The following GNL1 variants were observed in gnomAD, a reference collection of about 807,000 sequenced individuals.
GNL1 encodes G protein nucleolar 1.
A neutral mutation model predicts 75.2 loss-of-function variants in GNL1; 21 were observed. The ratio of observed to expected loss-of-function variants is 0.28; its 90% CI spans 0.20 to 0.40. The LOEUF is 0.40. Among genes scored for constraint, GNL1 ranks in the 10% least tolerant of loss-of-function variants. The probability of loss-of-function intolerance (pLI) is 1.00; values close to 1 mark genes in which losing one functional copy is unlikely to be tolerated. For synonymous variants in GNL1, 287 were observed against 303.4 expected (o/e 0.95, Z 0.56); for missense variants, 579 against 775.0 (o/e 0.75, Z 3.00).
At chr6:30,554,940 G>C (rs1156290877) in intron 3 of GNL1, 25 bp from the exon 4 acceptor site, 1 of 1,612,258 alleles carries the variant, frequency 6.2e-7, no homozygotes, top group East Asian at 2.2e-5. Context: ...AAAAGTCCAA[G>C]TGTGAGGAAA....
At chr6:30,554,148 C>A (rs1055985756) in intron 5 of GNL1, among the ~76,000 whole-genome samples, 1 of 152,228 alleles carries the variant, frequency 6.6e-6, no homozygotes, top group Non-Finnish European at 1.5e-5. Flanking sequence ...TCACACAGGG[C>A]AGTCCAGCAG....
rs1050107108 is a variant in GNL1, at chr6:30,547,807, A to G, written c.1100-277T>C. 6.7e-5 allele frequency: 34 copies of G among 506,318 alleles called. No homozygotes were observed. In the African/African-American group the frequency reaches 6.8e-4, roughly 10 times the overall value. 31.4% of individuals were successfully genotyped at this position (506,318 alleles called of 1,614,324 possible). A position where few individuals can be genotyped will look rare whatever the true frequency, so the allele number is the denominator to read the frequency against. On this transcript the variant is annotated intron_variant, in intron 8 of 11. Transcript: ENST00000376621. The surrounding 1 kb of genome is among the most constrained non-coding windows in gnomAD (Gnocchi z 5.5). ...GTGGTCAGGATTAAATGAGATAACC[A>G]ATACAACTTGTGTGGGTCAGTGCCT...
Position 30,541,580 on chromosome 6 carries a change from A to G in GNL1, c.*4492T>C, listed in dbSNP as rs946597580. The G allele has an allele frequency of 6.6e-6, 1 of 152,244 alleles. No individual in the cohort carries two copies. The highest frequency in any genetic ancestry group is 1.5e-5 in the Non-Finnish European group (1 of 68,042). The allele number at this position is 152,244 out of a possible 1,614,324, so 9.4% of individuals were successfully genotyped here. ...AAACAGGCAATTTCAGAGTGCTTCA[A>G]GATGAAGGCGCAAAGCAGCCTCTCA... is the stretch of plus-strand genomic sequence containing the variant. On this transcript the variant is annotated 3_prime_UTR_variant, in exon 12 of 12. Coordinates refer to ENST00000376621, the MANE Select transcript of GNL1 (RefSeq NM_005275.5).
rs1023685736 is a variant in GNL1 at position 30,542,370 on chromosome 6, C to T, written c.*3702G>A. ...TGTCTCACTGGCTCCTTTCCCTGCT[C>T]TCCTTTTTATATGTTTCCTGCTTTC... On this transcript the variant is annotated 3_prime_UTR_variant, in exon 12 of 12. Coordinates refer to ENST00000376621, the MANE Select transcript of GNL1 (RefSeq NM_005275.5). This position sits in a 1 kb window ranked among gnomAD's most constrained non-coding sequence, Gnocchi z 4.5. 3.3e-5 allele frequency: 5 copies of T among 152,614 alleles called. No individual in the cohort carries two copies. Among genetic ancestry groups the T allele is most frequent in the African/African-American group, 9.7e-5 (4 of 41,444 alleles). 9.5% of individuals were successfully genotyped at this position (152,614 alleles called of 1,614,324 possible).
chr6:30,553,408 G>C lies in GNL1; in HGVS notation c.750C>G (p.His250Gln), dbSNP rs150038929. 6.2e-7 allele frequency: 1 copy of C among 1,612,894 alleles called. No individual in the cohort carries two copies. Residue 250 changes from histidine to glutamine, a missense_variant, in exon 6 of 12, where the codon CAC becomes CAG. Physicochemically the swap from His to Gln is conservative, Grantham distance 24. Coordinates refer to ENST00000376621, the MANE Select transcript of GNL1 (RefSeq NM_005275.5). ...GAGGAAAAGAGGTGAAAAGGACGAC[G>C]TGGAGCTGGGGATAGTGTTGATGGA... Reference protein sequence around the residue: ...HYFHQHYPQLHVVLFTSFPRD... With the variant: ...HYFHQHYPQLQVVLFTSFPRD...
Position 30,547,308 on chromosome 6 carries a change from T to C in GNL1, c.1279-34A>G. On this transcript the variant is annotated intron_variant, in intron 9 of 11. Coordinates refer to ENST00000376621, the MANE Select transcript of GNL1 (RefSeq NM_005275.5). The surrounding 1 kb of genome is among the most constrained non-coding windows in gnomAD (Gnocchi z 5.5). ...AATGAGCACTCAGTACTTTCCTCAA[T>C]GTCCCACCTTCTCTCTTTCCCTTAC... The C allele has an allele frequency of 6.3e-7, 1 of 1,580,938 alleles. No homozygotes were observed. Among genetic ancestry groups the C allele is most frequent in the Non-Finnish European group, 8.6e-7 (1 of 1,163,096 alleles).
Position 30,545,853 on chromosome 6 carries a change from T to G in GNL1, c.*219A>C, listed in dbSNP as rs1049112390. 7.3e-6 allele frequency: 4 copies of G among 546,010 alleles called. No homozygotes were observed. In the East Asian group the frequency reaches 1.3e-4, roughly 18 times the overall value. 33.8% of individuals were successfully genotyped at this position (546,010 alleles called of 1,614,324 possible). ...GAACCTACTAAACTCCTAAGAGAAC[T>G]TTCCCTTGCAAAGAGAATGCATGAA... is the stretch of plus-strand genomic sequence containing the variant. On this transcript the variant is annotated 3_prime_UTR_variant, in exon 12 of 12. Transcript: ENST00000376621.
rs549347371 is a variant in GNL1 at position 30,555,035 on chromosome 6, C to T, written c.376+20G>A. 2 of 1,612,952 alleles carry T rather than the reference C, an allele frequency of 1.2e-6. No homozygotes were observed. The highest frequency in any genetic ancestry group is 2.2e-5 in the South Asian group (2 of 91,070). ...TCCAAACTCCTTCCCCAGCCCAATG[C>T]CTGTCTTGCTCTCACTCACCTGAGC... On this transcript the variant is annotated intron_variant, in intron 3 of 11. Coordinates refer to ENST00000376621, the MANE Select transcript of GNL1 (RefSeq NM_005275.5). The surrounding 1 kb of genome is among the most constrained non-coding windows in gnomAD (Gnocchi z 4.3).
Position 30,556,236 on chromosome 6 carries a change from C to T in GNL1, c.-33G>A. 2 of 1,598,346 alleles carry T rather than the reference C, an allele frequency of 1.3e-6. No individual in the cohort carries two copies. Among genetic ancestry groups the T allele is most frequent in the Non-Finnish European group, 1.7e-6 (2 of 1,179,030 alleles). ...ACCAGTCACCTGGCCCGCCCTCCGCCGAGCTCCCGCCGCCTCAACTGACTG... is the reference window on the plus strand; with the variant it reads ...ACCAGTCACCTGGCCCGCCCTCCGCTGAGCTCCCGCCGCCTCAACTGACTG... On this transcript the variant is annotated 5_prime_UTR_variant, in exon 1 of 12. Transcript: ENST00000376621. The surrounding 1 kb of genome is among the most constrained non-coding windows in gnomAD (Gnocchi z 5.7).
At chr6:30,554,953 T>G (rs1325783235) in intron 3 of GNL1, 38 bp from the exon 4 acceptor site, 1 of 1,611,584 alleles carries the variant, frequency 6.2e-7, no homozygotes, top group African/African-American at 1.3e-5. Flanking sequence ...TGAGGAAATC[T>G]TCAGGATTCA....
rs201780688 is a variant in GNL1 at position 30,553,158 on chromosome 6, C to A, written c.830G>T (p.Arg277Leu). ...CAGGGCCCGAGTCCATCCTCTCCCC[C>A]GCCTCCGACTCTTCTTCAAGACTGA... ...PSSVLKKSRRRGRGWTRALGP... is the reference protein window; with the variant it reads ...PSSVLKKSRRLGRGWTRALGP... Residue 277 changes from arginine to leucine, a missense_variant, in exon 7 of 12, where the codon CGG (arginine) becomes CTG (leucine). Transcript: ENST00000376621. 8.9e-5 allele frequency: 144 copies of A among 1,613,322 alleles called. No individual in the cohort carries two copies. The highest frequency in any genetic ancestry group is 1.0e-4 in the Non-Finnish European group (119 of 1,179,370).
rs2127378309 is a variant in GNL1, at chr6:30,553,507, T to C, written c.651A>G (p.Gly217=). Residue 217 remains glycine, a synonymous_variant, in exon 6 of 12, where the codon GGA becomes GGG. Transcript: ENST00000376621. ...ALYEYVTGEL[G]LALVLVLNKV... ...TGTTCAAAACCAGCACCAGGGCCAGTCCAAGTTCTCCAGTCACATACTCAT... is the reference window on the plus strand; with the variant it reads ...TGTTCAAAACCAGCACCAGGGCCAGCCCAAGTTCTCCAGTCACATACTCAT... 2 of 1,612,908 alleles carry C rather than the reference T, an allele frequency of 1.2e-6. No homozygotes were observed. The highest frequency in any genetic ancestry group is 1.7e-6 in the Non-Finnish European group (2 of 1,179,956).
At chr6:30,551,417 A>G (rs1271002301) in intron 8 of GNL1, among the ~76,000 whole-genome samples, 1 of 152,214 alleles carries the variant, frequency 6.6e-6, no homozygotes, top group African/African-American at 2.4e-5. Context: ...AAGGAACCCA[A>G]CTACCTACTC....
At chr6:30,549,795 TTCTC>T (rs1280463968) in intron 8 of GNL1, among the ~76,000 whole-genome samples, 1 of 151,812 alleles carries the variant, frequency 6.6e-6, no homozygotes, top group African/African-American at 2.4e-5. Context: ...ACTATTTCCT[TTCTC>T]TCCTACATCT....
chr6:30,556,399 C>T lies in GNL1; in HGVS notation c.-196G>A. 1 of 616,276 alleles carries T rather than the reference C, an allele frequency of 1.6e-6. No individual in the cohort carries two copies. Among genetic ancestry groups the T allele is most frequent in the Non-Finnish European group, 2.8e-6 (1 of 351,618 alleles). 38.2% of individuals were successfully genotyped at this position (616,276 alleles called of 1,614,324 possible). ...CGGACGGGGGAGATATAGTCACTTCCCTCCAGGAGCGAGGCGAGAGGATGA... is the reference window on the plus strand; with the variant it reads ...CGGACGGGGGAGATATAGTCACTTCTCTCCAGGAGCGAGGCGAGAGGATGA... On this transcript the variant is annotated 5_prime_UTR_variant, in exon 1 of 12. Transcript: ENST00000376621. The surrounding 1 kb of genome is among the most constrained non-coding windows in gnomAD (Gnocchi z 5.7).
chr6:30,546,721 A>T lies in GNL1; in HGVS notation c.1557T>A (p.His519Gln). ...AVDGRLSLCF[H>Q]PPGYSEQKGT... ...CTTTCTGTTCACTGTAGCCTGGGGGATGAAAACACAGGCTGAGGCGGCCGT... is the reference window on the plus strand; with the variant it reads ...CTTTCTGTTCACTGTAGCCTGGGGGTTGAAAACACAGGCTGAGGCGGCCGT... Residue 519 changes from histidine to glutamine, a missense_variant, in exon 11 of 12, where the codon CAT becomes CAA. His to Gln is a conservative substitution (Grantham distance 24, BLOSUM62 0). Transcript: ENST00000376621. The surrounding 1 kb of genome is among the most constrained non-coding windows in gnomAD (Gnocchi z 5.1). 6.2e-7 allele frequency: 1 copy of T among 1,609,966 alleles called. No individual in the cohort carries two copies. The highest frequency in any genetic ancestry group is 8.5e-7 in the Non-Finnish European group (1 of 1,177,640).
intron 5 of GNL1, among the ~76,000 whole-genome samples, chr6:30,554,003 G>A (rs1273636369): frequency 6.6e-6 from 1 of 152,258 alleles, no homozygotes; most frequent in African/African-American, 2.4e-5. Context: ...AAACATGCCT[G>A]TGTATATTGA....
Position 30,556,326 on chromosome 6 carries a change from G to A in GNL1, c.-123C>T. On this transcript the variant is annotated 5_prime_UTR_variant, in exon 1 of 12. In the 5' UTR this introduces an upstream ATG that the reference lacks. Coordinates refer to ENST00000376621, the MANE Select transcript of GNL1 (RefSeq NM_005275.5). The surrounding 1 kb of genome is among the most constrained non-coding windows in gnomAD (Gnocchi z 5.7). Reference sequence around the variant, plus strand: ...AGAGGAGGCGGGGCTAGCAGGTGACGTCAGCGGGCGGGCCCGACAGAATTA... The same window carrying A: ...AGAGGAGGCGGGGCTAGCAGGTGACATCAGCGGGCGGGCCCGACAGAATTA... 1 of 1,114,754 alleles carries A rather than the reference G, an allele frequency of 9.0e-7. No individual in the cohort carries two copies. Among genetic ancestry groups the A allele is most frequent in the Non-Finnish European group, 1.3e-6 (1 of 767,900 alleles). 69.1% of individuals were successfully genotyped at this position (1,114,754 alleles called of 1,614,324 possible). A position where few individuals can be genotyped will look rare whatever the true frequency, so the allele number is the denominator to read the frequency against.
chr6:30,547,475 G>A lies in GNL1; in HGVS notation c.1155C>T (p.Val385=), dbSNP rs776099909. The A allele has an allele frequency of 4.3e-6, 7 of 1,613,390 alleles. No individual in the cohort carries two copies. Among genetic ancestry groups the A allele is most frequent in the Non-Finnish European group, 5.1e-6 (6 of 1,179,796 alleles). Residue 385 remains valine, a synonymous_variant, in exon 9 of 12, where the codon GTC becomes GTT. Transcript: ENST00000376621. The surrounding 1 kb of genome is among the most constrained non-coding windows in gnomAD (Gnocchi z 5.5). ...GGCCCGGGGTTCTGGAGACACTCAC[G>A]ACTTTCCGCCCCACCAGCCCATTGA... is the stretch of plus-strand genomic sequence containing the variant. ...SLINGLVGRK[V]VSVSRTPGHT... is the part of the protein sequence containing the mutation.
Sources: allele counts gnomAD v4.1 joint callset (sites outside exome capture counted in the v4.1 genomes callset), GRCh38; gene constraint gnomAD v4.1.1; non-coding constraint Gnocchi (gnomAD v3.1); transcripts MANE v1.5; gene names NCBI Gene and HGNC (gene_info 2026-07-23, HGNC 2026-07-21).